Variants in PRICKLE2 observed in about 807,000 individuals in gnomAD.
The protein encoded by PRICKLE2 is prickle-like protein 2.
In PRICKLE2, 21 loss-of-function variants were observed where a neutral mutation model predicts 81.4. The ratio of observed to expected loss-of-function variants is 0.26; its 90% CI spans 0.18 to 0.37. PRICKLE2 has a LOEUF of 0.37. Ranked by LOEUF, PRICKLE2 falls within the 10% of genes least tolerant of loss-of-function variation. The probability of loss-of-function intolerance (pLI) is 1.00; values close to 1 mark genes in which losing one functional copy is unlikely to be tolerated. For synonymous variants in PRICKLE2, 456 were observed against 421.5 expected, an observed-to-expected ratio of 1.08 and a Z score of -1.00; for missense variants, 940 against 1,109.0, an observed-to-expected ratio of 0.85 and a Z score of 2.16.
intron 7 of PRICKLE2, among the ~76,000 whole-genome samples, chr3:64,105,404 C>A (rs1486659687): frequency 6.6e-6 from 1 of 152,178 alleles, no homozygotes; most frequent in Non-Finnish European, 1.5e-5. Context: ...GCCCAGTACC[C>A]TTTGGTGCTC....
At chr3:64,242,658 C>G (rs1364413730) in intron 2 of PRICKLE2, among the ~76,000 whole-genome samples, 1 of 152,250 alleles carries the variant, frequency 6.6e-6, no homozygotes, top group Non-Finnish European at 1.5e-5. Context: ...TTGGCTTCTA[C>G]TGCTCCTCCC....
chr3:64,180,403 C>T (rs774364420), intron 2 of PRICKLE2, among the ~76,000 whole-genome samples: 9 of 152,162 alleles, frequency 5.9e-5, no homozygotes, highest in Non-Finnish European at 1.2e-4. Flanking sequence ...CTACCACGAT[C>T]CTTCTCCAGA....
chr3:64,158,909 C>G (rs1055122656), intron 4 of PRICKLE2, among the ~76,000 whole-genome samples: 1 of 152,224 alleles, frequency 6.6e-6, no homozygotes, highest in African/African-American at 2.4e-5. Context: ...ACCTCCTCTT[C>G]TTTGATCCAG....
At chr3:64,258,893 G>GAAAGAAAGAAATAAATAAATAAATAAAT (rs796940955) in intron 2 of PRICKLE2, among the ~76,000 whole-genome samples, 1 of 140,980 alleles carries the variant, frequency 7.1e-6, no homozygotes, top group African/African-American at 2.8e-5. Context: ...AAGAAAGAAA[G>GAAAGAAAGAAATAAATAAATAAATAAAT]AAATCAGGAG....
intron 7 of PRICKLE2, chr3:64,145,299 A>G (rs1186753039): frequency 6.8e-6 from 1 of 146,122 alleles, no homozygotes; most frequent in Non-Finnish European, 1.5e-5. Context: ...ATTTGTATAT[A>G]TTATATCATA....
intron 2 of PRICKLE2, among the ~76,000 whole-genome samples, chr3:64,250,245 T>C (rs939185925): frequency 6.6e-6 from 1 of 152,200 alleles, no homozygotes; most frequent in Non-Finnish European, 1.5e-5. Context: ...TTTCCATGGA[T>C]AATTCTTTGT....
chr3:64,238,071 A>T (rs1388192419), intron 2 of PRICKLE2, among the ~76,000 whole-genome samples: 1 of 152,196 alleles, frequency 6.6e-6, no homozygotes, highest in Non-Finnish European at 1.5e-5. Context: ...CACCATCTTG[A>T]TCAGGGGAGG....
chr3:64,151,371 A>G (rs2077544683), intron 6 of PRICKLE2, among the ~76,000 whole-genome samples: 1 of 152,236 alleles, frequency 6.6e-6, no homozygotes, highest in African/African-American at 2.4e-5. Flanking sequence ...ATTTAATAGG[A>G]AAGGAGGAGA....
At chr3:64,114,198 G>GA (rs61130256) in intron 7 of PRICKLE2, among the ~76,000 whole-genome samples, 1,011 of 133,256 alleles carry the variant, frequency 7.6e-3, no homozygotes, top group Middle Eastern at 0.012. Flanking sequence ...ATAGGATTAA[G>GA]AAAAAAAAAA....
upstream of PRICKLE2, among the ~76,000 whole-genome samples, chr3:64,228,055 G>C (rs910629642): frequency 2.0e-5 from 3 of 152,090 alleles, no homozygotes; most frequent in African/African-American, 7.2e-5. Context: ...TGACCAAGAG[G>C]CGGGCTCCCT....
chr3:64,202,414 A>T (rs569662131), intron 1 of PRICKLE2, among the ~76,000 whole-genome samples: 2 of 152,140 alleles, frequency 1.3e-5, no homozygotes, highest in Non-Finnish European at 2.9e-5. Context: ...CATTTACTTC[A>T]ATCTAATTTC....
chr3:64,118,009 A>T (rs962807616), intron 7 of PRICKLE2, among the ~76,000 whole-genome samples: 1 of 152,204 alleles, frequency 6.6e-6, no homozygotes, highest in Non-Finnish European at 1.5e-5. Context: ...ACAGACACAT[A>T]GACCAATGGA....
chr3:64,174,949 C>A (rs1008598791), intron 2 of PRICKLE2: 22 of 193,570 alleles, frequency 1.1e-4, no homozygotes, highest in African/African-American at 5.1e-4. Flanking sequence ...ATAATTGACC[C>A]CATGAATTTA....
intron 2 of PRICKLE2, among the ~76,000 whole-genome samples, chr3:64,247,103 G>A (rs2079369799): frequency 1.3e-5 from 2 of 152,176 alleles, no homozygotes; most frequent in Admixed American, 1.3e-4. Flanking sequence ...CCACAGTGCT[G>A]GTAGCAACTG....
At position 64,170,682 on chromosome 3, in the gene PRICKLE2, A is replaced by T. The variant is rs866768683; in HGVS notation, c.145-7553T>A. ...CGAGACTGGCCTGGGAAACAAAGGT[A>T]GACCATGCCTCTAGAAACATTAAAA... On this transcript the variant is annotated intron_variant, in intron 2 of 7. Coordinates refer to ENST00000638394, the MANE Select transcript of PRICKLE2 (RefSeq NM_198859.4). 9.4e-5 allele frequency among the ~76,000 whole-genome samples: 14 copies of T among 149,658 alleles called. 1 individual carries two copies. The East Asian group carries it at 2.4e-3, about 26-fold the overall frequency.
At chr3:64,224,622 T>C (rs2079005710) in intron 1 of PRICKLE2, among the ~76,000 whole-genome samples, 1 of 152,216 alleles carries the variant, frequency 6.6e-6, no homozygotes, top group Admixed American at 6.5e-5. Flanking sequence ...ATTATGGTTT[T>C]TTAAAGAAAG....
At chr3:64,237,398 T>C (rs2079198635) in intron 2 of PRICKLE2, among the ~76,000 whole-genome samples, 1 of 152,094 alleles carries the variant, frequency 6.6e-6, no homozygotes, top group Non-Finnish European at 1.5e-5. Flanking sequence ...GAAAGGGGAT[T>C]GAGTGGGAAG....
chr3:64,255,844 A>G (rs978490645), intron 2 of PRICKLE2, among the ~76,000 whole-genome samples: 12 of 152,198 alleles, frequency 7.9e-5, no homozygotes, highest in African/African-American at 2.9e-4. Context: ...AGACAAGGGG[A>G]AGTCTCCTTA....
chr3:64,241,655 T>C (rs1166184142), intron 2 of PRICKLE2, among the ~76,000 whole-genome samples: 1 of 152,204 alleles, frequency 6.6e-6, no homozygotes, highest in Admixed American at 6.5e-5. Context: ...TGATCTGTCC[T>C]TGACTTTGCA....
Sources: gnomAD v4.1 joint callset for allele counts (sites outside exome capture counted in the v4.1 genomes callset) on GRCh38, gnomAD v4.1.1 for gene constraint, MANE v1.5 for transcripts, NCBI Gene and HGNC (gene_info 2026-07-23, HGNC 2026-07-21) for gene names.